Variants in ERCC6L2 observed in about 807,000 individuals in gnomAD.
ERCC6L2 encodes the protein ERCC excision repair 6 like 2, also known as DNA excision repair protein ERCC-6-like 2.
ERCC6L2 carries 77 observed loss-of-function variants against 132.0 expected under a neutral mutation model. That is an observed-to-expected ratio of 0.58 (90% confidence interval 0.49 to 0.71). The LOEUF (loss-of-function observed/expected upper bound fraction) is 0.71. Ranked by LOEUF, ERCC6L2 falls within the 30% of genes least tolerant of loss-of-function variation. The probability of loss-of-function intolerance (pLI) is 0.00; values close to 1 mark genes in which losing one functional copy is unlikely to be tolerated. For synonymous variants in ERCC6L2, 583 were observed against 632.4 expected (o/e 0.92, Z 1.17); for missense variants, 1,542 against 1,837.6 (o/e 0.84, Z 2.94).
intron 2 of ERCC6L2, among the ~76,000 whole-genome samples, chr9:95,891,037 ACT>A (rs1246985297): frequency 1.3e-5 from 2 of 151,810 alleles, no homozygotes; most frequent in African/African-American, 4.8e-5. Context: ...ACATGGAGAA[ACT>A]CTGTCTCTAC....
At chr9:96,004,996 G>T in intron 18 of ERCC6L2, 1 of 305,904 alleles carries the variant, frequency 3.3e-6, no homozygotes, top group Non-Finnish European at 6.3e-6. Context: ...CCCAGGCATT[G>T]TGCTGAGTCT....
At chr9:96,012,117 G>A in intron 18 of ERCC6L2, 108 bp from the exon 19 acceptor site, 1 of 727,752 alleles carries the variant, frequency 1.4e-6, no homozygotes, top group Non-Finnish European at 1.9e-6. Context: ...TATGCTAAAG[G>A]AACAAGATTA....
At chr9:95,905,258 A>G (rs1389261264) in intron 3 of ERCC6L2, 1 of 152,238 alleles carries the variant, frequency 6.6e-6, no homozygotes, top group African/African-American at 2.4e-5. Context: ...TGGACTCTGC[A>G]TAATAGCATA....
At chr9:95,905,089 T>G (rs1039836167) in intron 3 of ERCC6L2, 1 of 152,136 alleles carries the variant, frequency 6.6e-6, no homozygotes, top group Non-Finnish European at 1.5e-5. Context: ...GTACTTGGAT[T>G]AGAGGAATAG....
At chr9:95,929,827 G>A (rs569315035) in intron 11 of ERCC6L2, among the ~76,000 whole-genome samples, 9 of 152,088 alleles carry the variant, frequency 5.9e-5, no homozygotes, top group Non-Finnish European at 1.3e-4. Flanking sequence ...TAACTTTAAA[G>A]TGTTTCCAGT....
chr9:96,018,635 AT>A (rs57092627), downstream of ERCC6L2, among the ~76,000 whole-genome samples: 53,976 of 142,066 alleles, frequency 0.38, 10,038 homozygotes, highest in East Asian at 0.53. Context: ...TAATTTTTGC[AT>A]TTTTTTTTTT....
At chr9:95,881,979 A>G (rs956672289) in intron 2 of ERCC6L2, among the ~76,000 whole-genome samples, 2 of 152,222 alleles carry the variant, frequency 1.3e-5, no homozygotes, top group Non-Finnish European at 2.9e-5. Context: ...ACAGGGCTGC[A>G]GTCATCTCAA....
chr9:95,945,318 A>G lies in ERCC6L2; in HGVS notation c.1847+3769A>G, dbSNP rs950027567. ...CCGGCTCACTGGCAGTCAGAGTTTA[A>G]GGTTATCTCTCCTGTTCCCTGAACT... On this transcript the variant is annotated intron_variant, in intron 12 of 18. Coordinates refer to ENST00000653738, the MANE Select transcript of ERCC6L2 (RefSeq NM_020207.7). Among the ~76,000 whole-genome samples the G allele has an allele frequency of 2.8e-4, 42 of 152,196 alleles. 2 individuals are homozygous for G. Among genetic ancestry groups the G allele is most frequent in the Non-Finnish European group, 5.9e-5 (4 of 68,034 alleles).
At chr9:96,033,692 C>T (rs1013453448) in intron 19 of ERCC6L2, among the ~76,000 whole-genome samples, 11 of 152,244 alleles carry the variant, frequency 7.2e-5, no homozygotes, top group African/African-American at 2.7e-4. Context: ...CTTGGAAGAA[C>T]ACTATCCCTT....
chr9:95,963,650 A>G (rs936468043), intron 13 of ERCC6L2, among the ~76,000 whole-genome samples: 16 of 152,010 alleles, frequency 1.1e-4, no homozygotes, highest in East Asian at 1.9e-4. Context: ...TTTCTGGTCC[A>G]GGGTTTCATC....
intron 17 of ERCC6L2, among the ~76,000 whole-genome samples, chr9:95,995,239 TATC>T (rs1287496772): frequency 6.6e-6 from 1 of 152,230 alleles, no homozygotes; most frequent in Non-Finnish European, 1.5e-5. Context: ...TTTCAATAAA[TATC>T]ATTTCAATGA....
At chr9:96,009,231 G>A (rs1402093031) in intron 18 of ERCC6L2, among the ~76,000 whole-genome samples, 1 of 152,204 alleles carries the variant, frequency 6.6e-6, no homozygotes, top group Non-Finnish European at 1.5e-5. Context: ...CGTCAGCTTC[G>A]TTGAGTTCTA....
In ERCC6L2 at chr9:95,923,306, C is replaced by T; in HGVS notation, c.1460C>T (p.Pro487Leu). Residue 487 changes from proline (P) to leucine (L), a missense_variant, in exon 9 of 19, where the codon CCA becomes CTA. Pro to Leu is a moderately conservative substitution (Grantham distance 98). Coordinates refer to ENST00000653738, the MANE Select transcript of ERCC6L2 (RefSeq NM_020207.7). ...TGTGATCAGGTATTTTCCAGATTCC[C>T]AGATTTTGTGCAGAAAAGCAAAGAT... ...RICDQVFSRF[P>L]DFVQKSKDAA... 6.2e-7 allele frequency: 1 copy of T among 1,613,784 alleles called. No homozygotes were observed. Among genetic ancestry groups the T allele is most frequent in the Non-Finnish European group, 8.5e-7 (1 of 1,179,834 alleles).
chr9:96,004,961 A>G, intron 18 of ERCC6L2: 1 of 319,678 alleles, frequency 3.1e-6, no homozygotes, highest in Admixed American at 4.5e-5. Flanking sequence ...CAGTCAATGA[A>G]TATATTTTGA....
chr9:95,974,278 G>GA (rs1182331109), intron 16 of ERCC6L2, among the ~76,000 whole-genome samples: 1 of 152,074 alleles, frequency 6.6e-6, no homozygotes, highest in Non-Finnish European at 1.5e-5. Flanking sequence ...GGAGAGACAG[G>GA]AAAAATGCTA....
chr9:95,997,744 A>G (rs1461657225), intron 17 of ERCC6L2, among the ~76,000 whole-genome samples: 1 of 152,172 alleles, frequency 6.6e-6, no homozygotes, highest in East Asian at 1.9e-4. Flanking sequence ...CTTCATTACT[A>G]TTGCTGTTTC....
rs1834149762 is a variant in ERCC6L2 at position 96,015,015 on chromosome 9, G to GATTT, written c.*1812_*1813insATTT. Among the ~76,000 whole-genome samples the GATTT allele has an allele frequency of 1.5e-5, 1 of 65,426 alleles. No homozygotes were observed. The highest frequency in any genetic ancestry group is 6.3e-5 in the African/African-American group (1 of 15,894). 42.9% of individuals were successfully genotyped at this position (65,426 alleles called of 152,430 possible). On this transcript the variant is annotated 3_prime_UTR_variant, in exon 19 of 19. Coordinates refer to ENST00000653738, the MANE Select transcript of ERCC6L2 (RefSeq NM_020207.7). Reference sequence around the variant, plus strand: ...GCTCTATAGTCTTCATATATGTACAGTTTTTTTTTTTTTTTTTTTTTTTTT... The same window carrying GATTT: ...GCTCTATAGTCTTCATATATGTACAGATTTTTTTTTTTTTTTTTTTTTTTTTTTT...
chr9:95,882,879 A>G (rs934429195), intron 2 of ERCC6L2, among the ~76,000 whole-genome samples: 1 of 152,192 alleles, frequency 6.6e-6, no homozygotes, highest in Non-Finnish European at 1.5e-5. Context: ...TATTCCACAA[A>G]CTATCATTTA....
At chr9:95,961,773 A>G (rs895900920) in intron 13 of ERCC6L2, among the ~76,000 whole-genome samples, 22 of 152,178 alleles carry the variant, frequency 1.4e-4, no homozygotes, top group African/African-American at 4.8e-4. Context: ...ACTGGGTTAT[A>G]AAGAAGAGGT....
Sources: gnomAD v4.1 joint callset for allele counts (sites outside exome capture counted in the v4.1 genomes callset) on GRCh38, gnomAD v4.1.1 for gene constraint, MANE v1.5 for transcripts, NCBI Gene and HGNC (gene_info 2026-07-23, HGNC 2026-07-21) for gene names.